NUP58: variants seen among roughly 807,000 people sequenced by gnomAD.
NUP58 encodes nucleoporin 58.
Under a neutral mutation model 70.1 loss-of-function variants are expected in NUP58, and 17 were observed. The ratio of observed to expected loss-of-function variants is 0.24; its 90% CI spans 0.17 to 0.36. The LOEUF (loss-of-function observed/expected upper bound fraction) is 0.36, where lower values mean the gene tolerates loss of function less well. Ranked by LOEUF, NUP58 falls within the 10% of genes least tolerant of loss-of-function variation. The pLI is 1.00. For missense variants in NUP58, 644 were observed against 701.5 expected, an observed-to-expected ratio of 0.92 and a Z score of 0.93; for synonymous variants, 275 against 257.6, an observed-to-expected ratio of 1.07 and a Z score of -0.65.
At chr13:25,302,556 C>G (rs2030078081) in intron 1 of NUP58, among the ~76,000 whole-genome samples, 1 of 152,082 alleles carries the variant, frequency 6.6e-6, no homozygotes, top group South Asian at 2.1e-4. Context: ...TTTGTGCAAC[C>G]CATTAGTTCA....
At position 25,314,779 on chromosome 13, in the gene NUP58, G is replaced by A. The variant is rs563675655; in HGVS notation, c.575-578G>A. Reference sequence around the variant, plus strand: ...TTTTGCGCTTGACTCACAAGTGTACGTTAATGACTTATGATTAACCGTAGT... The same window carrying A: ...TTTTGCGCTTGACTCACAAGTGTACATTAATGACTTATGATTAACCGTAGT... On this transcript the variant is annotated intron_variant, in intron 5 of 15. Transcript: ENST00000381736. Among the ~76,000 whole-genome samples, 11 of 152,264 alleles carry A rather than the reference G, an allele frequency of 7.2e-5. No individual in the cohort carries two copies. In the East Asian group the frequency reaches 1.7e-3, roughly 24 times the overall value.
At chr13:25,302,970 T>C (rs1478690327) in intron 1 of NUP58, 1 of 456,744 alleles carries the variant, frequency 2.2e-6, no homozygotes, top group Admixed American at 2.3e-5. Context: ...GGAACAAATA[T>C]TTATTGGACA....
intron 12 of NUP58, among the ~76,000 whole-genome samples, chr13:25,327,874 A>G (rs899342926): frequency 6.6e-5 from 10 of 152,020 alleles, no homozygotes; most frequent in Non-Finnish European, 1.5e-4. Context: ...GGTGGTTTCT[A>G]TTTCTTTACT....
Position 25,340,199 on chromosome 13 carries a change from A to G in NUP58, c.*65A>G. On this transcript the variant is annotated 3_prime_UTR_variant, in exon 16 of 16. Transcript: ENST00000381736. Reference sequence around the variant, plus strand: ...TTCATTCTATGAGTCTATTTTTCTAATGATGCAGTAATTAAATTGCATCCC... The same window carrying G: ...TTCATTCTATGAGTCTATTTTTCTAGTGATGCAGTAATTAAATTGCATCCC... The G allele has an allele frequency of 7.5e-7, 1 of 1,335,356 alleles. No individual in the cohort carries two copies. The allele number at this position is 1,335,356 out of a possible 1,614,324, so 82.7% of individuals were successfully genotyped here.
chr13:25,330,069 C>G (rs564634653), intron 12 of NUP58, among the ~76,000 whole-genome samples: 8 of 152,284 alleles, frequency 5.3e-5, no homozygotes, highest in African/African-American at 1.9e-4. Flanking sequence ...CTCAAGGAGT[C>G]CTCCTGCCTA....
chr13:25,320,663 C>G (rs2031142367), intron 8 of NUP58, 68 bp downstream of exon 8: 7 of 1,172,714 alleles, frequency 6.0e-6, no homozygotes, highest in South Asian at 4.0e-5. Context: ...AGGGGAGCAT[C>G]TCTTCCTCCT....
intron 6 of NUP58, 23 bp from the exon 7 acceptor site, chr13:25,319,303 G>T (rs779219748): frequency 1.2e-6 from 2 of 1,609,532 alleles, no homozygotes; most frequent in African/African-American, 2.7e-5. Context: ...TTTTTTTTAC[G>T]TGAAGCTTCT....
intron 2 of NUP58, 73 bp from the exon 3 acceptor site, chr13:25,309,174 C>A: frequency 8.8e-7 from 1 of 1,141,554 alleles, no homozygotes; most frequent in Non-Finnish European, 1.3e-6. Context: ...TTAAGTCTTT[C>A]CCTTATGACA....
intron 1 of NUP58, among the ~76,000 whole-genome samples, chr13:25,304,494 A>ATATATG (rs2030201454): frequency 1.1e-5 from 1 of 92,348 alleles, no homozygotes; most frequent in African/African-American, 3.5e-5. Context: ...ATATATATAT[A>ATATATG]TATATATATA....
At chr13:25,318,922 T>A (rs2031060131) in intron 6 of NUP58, among the ~76,000 whole-genome samples, 1 of 152,206 alleles carries the variant, frequency 6.6e-6, no homozygotes, top group African/African-American at 2.4e-5. Flanking sequence ...GGCAACAACA[T>A]AAATTTTCCA....
chr13:25,332,097 C>G (rs1024513788), intron 13 of NUP58: 1 of 991,152 alleles, frequency 1.0e-6, no homozygotes, highest in Non-Finnish European at 1.2e-6. Context: ...AATACAAGCC[C>G]TCTAAACCAA....
chr13:25,309,424 T>C (rs2030543595), intron 3 of NUP58, 142 bp downstream of exon 3: 2 of 604,838 alleles, frequency 3.3e-6, no homozygotes, highest in South Asian at 2.3e-5. Context: ...TGGTGACTTA[T>C]CGGAGAACCT....
At chr13:25,319,242 A>C in intron 6 of NUP58, 84 bp from the exon 7 acceptor site, 14 of 1,155,878 alleles carry the variant, frequency 1.2e-5, no homozygotes, top group Non-Finnish European at 1.7e-5. Context: ...TTTATACTTT[A>C]ATTTGTGTTA....
At chr13:25,337,414 G>A (rs2031824077) in intron 14 of NUP58, among the ~76,000 whole-genome samples, 2 of 152,016 alleles carry the variant, frequency 1.3e-5, no homozygotes, top group South Asian at 4.1e-4. Context: ...CTCCTAATCA[G>A]TATCTTCTTT....
chr13:25,312,195 T>C (rs1024847317), intron 3 of NUP58, among the ~76,000 whole-genome samples: 4 of 151,954 alleles, frequency 2.6e-5, no homozygotes, highest in Non-Finnish European at 5.9e-5. Flanking sequence ...AGCTGGGGGC[T>C]GACAGAGACA....
intron 1 of NUP58, chr13:25,302,950 T>C: frequency 2.2e-6 from 1 of 456,724 alleles, no homozygotes; most frequent in Non-Finnish European, 4.4e-6. Flanking sequence ...CTTAGGCTAT[T>C]GTCATTCGTG....
At position 25,337,961 on chromosome 13, in the gene NUP58, A is replaced by G. The variant is rs183316506; in HGVS notation, c.1535-675A>G. ...TTAGGAGAGTGGAAACTAGTCTTCA[A>G]GTACTTAGAATGTCATGAACTTTGT... On this transcript the variant is annotated intron_variant, in intron 14 of 15. Transcript: ENST00000381736. Among the ~76,000 whole-genome samples, 276 of 152,302 alleles carry G rather than the reference A, an allele frequency of 1.8e-3. 2 individuals carry two copies. The highest frequency in any genetic ancestry group is 6.3e-3 in the African/African-American group (263 of 41,582).
intron 6 of NUP58, among the ~76,000 whole-genome samples, chr13:25,316,192 A>T (rs1438623112): frequency 6.6e-6 from 1 of 152,192 alleles, no homozygotes; most frequent in Admixed American, 6.5e-5. Context: ...CCTAACCAGT[A>T]TGAAAATACC....
At chr13:25,345,160 C>T (rs559634544), downstream of NUP58, among the ~76,000 whole-genome samples, 151 of 152,162 alleles carry the variant, frequency 9.9e-4, no homozygotes, top group Non-Finnish European at 1.5e-3. Context: ...GCAGAAATAC[C>T]CAATTTATAG....
Sources: allele counts gnomAD v4.1 joint callset (sites outside exome capture counted in the v4.1 genomes callset), GRCh38; gene constraint gnomAD v4.1.1; transcripts MANE v1.5; gene names NCBI Gene and HGNC (gene_info 2026-07-23, HGNC 2026-07-21).